Variants in ITGA9 observed in about 807,000 individuals in gnomAD.
The protein encoded by ITGA9 is integrin subunit alpha 9.
ITGA9 carries 56 observed loss-of-function variants against 127.8 expected under a neutral mutation model. The ratio of observed to expected loss-of-function variants is 0.44; its 90% CI spans 0.35 to 0.55. The LOEUF is 0.55. Among genes scored for constraint, ITGA9 ranks in the 20% least tolerant of loss-of-function variants. The probability of loss-of-function intolerance (pLI) is 0.00; values close to 1 mark genes in which losing one functional copy is unlikely to be tolerated. For missense variants in ITGA9, 1,196 were observed against 1,347.1 expected, an observed-to-expected ratio of 0.89 and a Z score of 1.76; for synonymous variants, 508 against 514.5, an observed-to-expected ratio of 0.99 and a Z score of 0.17.
intron 15 of ITGA9, among the ~76,000 whole-genome samples, chr3:37,624,026 A>G (rs1055813875): frequency 1.4e-4 from 21 of 152,016 alleles, no homozygotes; most frequent in Admixed American, 1.3e-3. Context: ...TGTTTGGTGA[A>G]TCCTCTTTTA....
chr3:37,770,783 A>G (rs1412464584), intron 23 of ITGA9, among the ~76,000 whole-genome samples: 3 of 152,158 alleles, frequency 2.0e-5, no homozygotes, highest in Non-Finnish European at 4.4e-5. Context: ...GCTTCTGACC[A>G]TGACAGCTCC....
chr3:37,521,909 CT>C (rs1217020946), intron 11 of ITGA9, among the ~76,000 whole-genome samples: 4 of 152,124 alleles, frequency 2.6e-5, no homozygotes, highest in African/African-American at 9.7e-5. Flanking sequence ...CTGATTTGTA[CT>C]TTGGTGCTTG....
intron 2 of ITGA9, 70 bp downstream of exon 2, chr3:37,471,204 G>C: frequency 6.4e-7 from 1 of 1,568,960 alleles, no homozygotes. Flanking sequence ...TTCTTCCCAG[G>C]ATGGCCTGAT....
chr3:37,822,263 T>C lies in ITGA9; in HGVS notation c.*3274T>C, dbSNP rs1352156135. On this transcript the variant is annotated 3_prime_UTR_variant, in exon 28 of 28. Coordinates refer to ENST00000264741, the MANE Select transcript of ITGA9 (RefSeq NM_002207.3). ...CCAACTGTTCAGAGAACTGAAATGG[T>C]TTTTAAATATGAAAAAGGACCTTTG... 1 of 151,876 alleles carries C rather than the reference T, an allele frequency of 6.6e-6. No homozygotes were observed. The highest frequency in any genetic ancestry group is 6.6e-5 in the Admixed American group (1 of 15,252). The allele number at this position is 151,876 out of a possible 1,614,324, so 9.4% of individuals were successfully genotyped here. A position where few individuals can be genotyped will look rare whatever the true frequency, so the allele number is the denominator to read the frequency against.
chr3:37,477,658 G>A (rs71323623), intron 3 of ITGA9, among the ~76,000 whole-genome samples: 3 of 152,200 alleles, frequency 2.0e-5, no homozygotes, highest in Non-Finnish European at 4.4e-5. Context: ...AATGAGCGGG[G>A]AGGGGAATCA....
chr3:37,685,080 G>A (rs35722244), intron 18 of ITGA9, among the ~76,000 whole-genome samples: 1,701 of 152,274 alleles, frequency 0.011, 13 homozygotes, highest in Middle Eastern at 0.048. Context: ...AGCATTGAAC[G>A]GGGTTGCCTT....
At chr3:37,576,718 C>T (rs542171751) in intron 15 of ITGA9, among the ~76,000 whole-genome samples, 213 of 152,356 alleles carry the variant, frequency 1.4e-3, no homozygotes, top group African/African-American at 4.9e-3. Context: ...GCCATCCTCC[C>T]TCAGCCTCCC....
chr3:37,803,750 G>C, intron 26 of ITGA9, 73 bp from the exon 27 acceptor site: 2 of 1,569,828 alleles, frequency 1.3e-6, no homozygotes, highest in African/African-American at 2.7e-5. Flanking sequence ...CTCCAGCCTG[G>C]GTGACAGAAC....
intron 17 of ITGA9, among the ~76,000 whole-genome samples, chr3:37,681,952 A>G (rs547101730): frequency 7.9e-5 from 12 of 152,148 alleles, no homozygotes; most frequent in African/African-American, 2.9e-4. Context: ...CCACCCATCT[A>G]CTAATGCATC....
intron 15 of ITGA9, among the ~76,000 whole-genome samples, chr3:37,620,619 G>T (rs998712226): frequency 2.6e-5 from 4 of 152,186 alleles, no homozygotes; most frequent in African/African-American, 9.7e-5. Context: ...GACCCCCTCT[G>T]ACCTTGAACT....
At chr3:37,550,334 T>G (rs768854903) in intron 15 of ITGA9, among the ~76,000 whole-genome samples, 10 of 152,340 alleles carry the variant, frequency 6.6e-5, no homozygotes, top group Admixed American at 2.0e-4. Context: ...GTGAGAGACT[T>G]CACTGCCTCT....
chr3:37,672,319 G>A (rs1032490594), intron 17 of ITGA9, among the ~76,000 whole-genome samples: 2 of 152,094 alleles, frequency 1.3e-5, no homozygotes, highest in African/African-American at 4.8e-5. Context: ...TCTTTCCTGT[G>A]TTGTTCTTGT....
chr3:37,802,747 G>A (rs370033420), intron 26 of ITGA9, among the ~76,000 whole-genome samples: 4 of 152,204 alleles, frequency 2.6e-5, no homozygotes, highest in South Asian at 2.1e-4. Flanking sequence ...TGGCAGGAGG[G>A]TAGGGGTGCC....
At chr3:37,502,950 T>A (rs892275217) in intron 5 of ITGA9, among the ~76,000 whole-genome samples, 2 of 152,260 alleles carry the variant, frequency 1.3e-5, no homozygotes, top group African/African-American at 4.8e-5. Flanking sequence ...TCGTGAATTC[T>A]GTCACCTTGC....
chr3:37,812,900 T>C (rs534762905), intron 27 of ITGA9, among the ~76,000 whole-genome samples: 21 of 152,384 alleles, frequency 1.4e-4, no homozygotes, highest in African/African-American at 4.8e-4. Flanking sequence ...TAGCCCATCA[T>C]TAATCATTTC....
chr3:37,744,873 A>G (rs879898848), intron 22 of ITGA9, among the ~76,000 whole-genome samples: 8 of 152,258 alleles, frequency 5.3e-5, no homozygotes, highest in Non-Finnish European at 1.2e-4. Context: ...GATATCCTGA[A>G]GGTCCCAGAG....
At chr3:37,704,330 G>C (rs148920331) in intron 18 of ITGA9, among the ~76,000 whole-genome samples, 3 of 152,110 alleles carry the variant, frequency 2.0e-5, no homozygotes, top group African/African-American at 7.2e-5. Flanking sequence ...AGGTGCCCGC[G>C]TGTCTCCACT....
intron 1 of ITGA9, among the ~76,000 whole-genome samples, chr3:37,458,181 G>T (rs1395639970): frequency 6.6e-6 from 1 of 152,184 alleles, no homozygotes; most frequent in African/African-American, 2.4e-5. Context: ...TAACATCCTG[G>T]TGAGTGGTTT....
intron 26 of ITGA9, among the ~76,000 whole-genome samples, chr3:37,801,786 A>G (rs1034649579): frequency 2.0e-5 from 3 of 152,124 alleles, no homozygotes; most frequent in Non-Finnish European, 2.9e-5. Flanking sequence ...CCCCTTTTCA[A>G]TTTCTGGGAA....
Sources: gnomAD v4.1 joint callset for allele counts (sites outside exome capture counted in the v4.1 genomes callset) on GRCh38, gnomAD v4.1.1 for gene constraint, MANE v1.5 for transcripts, NCBI Gene and HGNC (gene_info 2026-07-23, HGNC 2026-07-21) for gene names.